STK3: variants seen among roughly 807,000 people sequenced by gnomAD.
The protein encoded by STK3 is serine/threonine kinase 3, also known as serine/threonine-protein kinase 3.
A neutral mutation model predicts 58.0 loss-of-function variants in STK3; 41 were observed. The observed-to-expected ratio is 0.71, with a 90% CI of 0.55 to 0.92. The LOEUF (loss-of-function observed/expected upper bound fraction) is 0.92. Ranked by LOEUF, STK3 falls within the 40% of genes least tolerant of loss-of-function variation. The pLI, the probability that STK3 is intolerant of heterozygous loss-of-function variation, is 0.00. For missense variants in STK3, 479 were observed against 602.7 expected (o/e 0.79, Z 2.15); for synonymous variants, 170 against 191.0 (o/e 0.89, Z 0.91).
At chr8:98,384,949 C>T (rs1817775449) in intron 1 of STK3, among the ~76,000 whole-genome samples, 1 of 152,178 alleles carries the variant, frequency 6.6e-6, no homozygotes, top group Admixed American at 6.5e-5. Flanking sequence ...TGGAAATTAG[C>T]TGAGTCCCTC....
rs757849812 is a variant in STK3, at chr8:98,707,348, C to T, written c.352-37G>A. 2.1e-5 allele frequency: 30 copies of T among 1,409,130 alleles called. No individual in the cohort carries two copies. In the South Asian group the frequency reaches 3.4e-4, roughly 16 times the overall value. The allele number at this position is 1,409,130 out of a possible 1,614,324, so 87.3% of individuals were successfully genotyped here. A position where few individuals can be genotyped will look rare whatever the true frequency, so the allele number is the denominator to read the frequency against. On this transcript the variant is annotated intron_variant, in intron 4 of 10. Transcript: ENST00000419617. ...TATTTTTAAAACCATAATTAAAATG[C>T]CACGTTAGATAAAATCTTACGAAAG...
chr8:98,718,737 AT>A (rs1827200643), intron 4 of STK3, among the ~76,000 whole-genome samples: 4 of 152,118 alleles, frequency 2.6e-5, no homozygotes, highest in Admixed American at 1.3e-4. Flanking sequence ...TAAAATGTTA[AT>A]GTTTAATATA....
rs575295082 is a variant in STK3 at position 98,455,826 on chromosome 8, A to G, written c.*16T>C. Reference sequence around the variant, plus strand: ...CTTGGTCTCCAGAATAGTTAAAAACAGAGAGGAAATTAGACTCAAAAGTTT... The same window carrying G: ...CTTGGTCTCCAGAATAGTTAAAAACGGAGAGGAAATTAGACTCAAAAGTTT... On this transcript the variant is annotated 3_prime_UTR_variant, in exon 11 of 11. Coordinates refer to ENST00000419617, the MANE Select transcript of STK3 (RefSeq NM_006281.4). The G allele has an allele frequency of 5.6e-6, 9 of 1,613,042 alleles. No homozygotes were observed. Among genetic ancestry groups the G allele is most frequent in the Non-Finnish European group, 6.8e-6 (8 of 1,179,510 alleles).
At chr8:98,466,521 T>C (rs73273994) in intron 10 of STK3, among the ~76,000 whole-genome samples, 2,705 of 152,256 alleles carry the variant, frequency 0.018, 82 homozygotes, top group African/African-American at 0.062. Context: ...CTTGCACCAA[T>C]TTACAGTGGG....
At chr8:98,587,586 T>A (rs943694869) in intron 7 of STK3, among the ~76,000 whole-genome samples, 2 of 152,146 alleles carry the variant, frequency 1.3e-5, no homozygotes, top group African/African-American at 4.8e-5. Flanking sequence ...TGATTTGGGA[T>A]GGAGAGTTCT....
chr8:98,669,693 A>G (rs1270841818), intron 6 of STK3, among the ~76,000 whole-genome samples: 3 of 152,222 alleles, frequency 2.0e-5, no homozygotes, highest in East Asian at 3.8e-4. Context: ...AGGGTCTTCA[A>G]CAGAATCAAG....
intron 3 of STK3, among the ~76,000 whole-genome samples, chr8:98,409,935 C>CTCCAG (rs1818036314): frequency 6.6e-6 from 1 of 152,216 alleles, no homozygotes; most frequent in Non-Finnish European, 1.5e-5. Flanking sequence ...AAAAAGTTGA[C>CTCCAG]TCCAGTCCAG....
chr8:98,407,517 T>G (rs150978368), intron 3 of STK3, among the ~76,000 whole-genome samples: 198 of 152,258 alleles, frequency 1.3e-3, no homozygotes, highest in Non-Finnish European at 2.2e-3. Context: ...AGGCAAAGAC[T>G]TAGAGAGCTG....
At chr8:98,597,226 A>G (rs1417269111) in intron 6 of STK3, 5 of 947,084 alleles carry the variant, frequency 5.3e-6, no homozygotes, top group Non-Finnish European at 5.0e-6. Context: ...ATTTAATATA[A>G]TGCATTATCA....
intron 4 of STK3, among the ~76,000 whole-genome samples, chr8:98,744,706 C>G (rs1297780555): frequency 6.6e-6 from 1 of 151,862 alleles, no homozygotes; most frequent in East Asian, 1.9e-4. Flanking sequence ...ACATTGTGCA[C>G]ATGTACCCTA....
chr8:98,548,040 A>C lies in STK3; in HGVS notation c.1070T>G (p.Met357Arg). 1 of 1,610,452 alleles carries C rather than the reference A, an allele frequency of 6.2e-7. No homozygotes were observed. Among genetic ancestry groups the C allele is most frequent in the South Asian group, 1.1e-5 (1 of 90,476 alleles). Reference sequence around the variant, plus strand: ...CATGGTCCCCAAGTCGGATTCCAACATCGTGCTATTATGTTCAATCATGGT... The same window carrying C: ...CATGGTCCCCAAGTCGGATTCCAACCTCGTGCTATTATGTTCAATCATGGT... ...AQTMIEHNSTMLESDLGTMVI... is the reference protein window; with the variant it reads ...AQTMIEHNSTRLESDLGTMVI... The change falls in exon 9 of 11, where the codon ATG becomes AGG. Residue 357 changes from methionine (M) to arginine (R), a missense_variant. Physicochemically the swap from Met to Arg is moderately conservative, Grantham distance 91 (BLOSUM62 -1). Coordinates refer to ENST00000419617, the MANE Select transcript of STK3 (RefSeq NM_006281.4).
At chr8:98,479,922 G>A (rs1299569944) in intron 10 of STK3, among the ~76,000 whole-genome samples, 1 of 152,052 alleles carries the variant, frequency 6.6e-6, no homozygotes, top group Non-Finnish European at 1.5e-5. Flanking sequence ...ACAAATAGGA[G>A]CTTTAAAACT....
chr8:98,713,350 G>A (rs1054658650), intron 4 of STK3, among the ~76,000 whole-genome samples: 1 of 152,042 alleles, frequency 6.6e-6, no homozygotes. Flanking sequence ...CTAGGAACTG[G>A]TTTTTTGAAA....
intron 8 of STK3, among the ~76,000 whole-genome samples, chr8:98,567,902 A>G (rs1391442977): frequency 2.0e-5 from 3 of 152,062 alleles, no homozygotes; most frequent in African/African-American, 7.2e-5. Flanking sequence ...TACTAAGAGT[A>G]CAAAAATTAC....
intron 3 of STK3, chr8:98,432,442 A>G (rs1256464259): frequency 1.8e-5 from 3 of 167,088 alleles, no homozygotes; most frequent in African/African-American, 4.8e-5. Context: ...GCACAAATGC[A>G]TATTGGTTAT....
intron 6 of STK3, among the ~76,000 whole-genome samples, chr8:98,648,373 G>C (rs10104528): frequency 0.093 from 14,116 of 152,090 alleles, 753 homozygotes; most frequent in African/African-American, 0.13. Context: ...CTTGTTTCCA[G>C]TTTTTTACCA....
chr8:98,597,451 A>C (rs1416558106), intron 6 of STK3: 11 of 985,216 alleles, frequency 1.1e-5, no homozygotes, highest in Non-Finnish European at 1.3e-5. Flanking sequence ...TTTCAAAAGC[A>C]GTGTAGCCAG....
chr8:98,349,312 G>A, the STK3 span, among the ~76,000 whole-genome samples: 1 of 152,238 alleles, frequency 6.6e-6, no homozygotes, highest in African/African-American at 2.4e-5. Context: ...TTGACTCCAT[G>A]TCTTATATCC....
chr8:98,410,400 C>T (rs1818041466), intron 3 of STK3, among the ~76,000 whole-genome samples: 1 of 152,096 alleles, frequency 6.6e-6, no homozygotes, highest in African/African-American at 2.4e-5. Context: ...TATCTGTGAC[C>T]CTTTATCTGT....
Sources: gnomAD v4.1 joint callset for allele counts (sites outside exome capture counted in the v4.1 genomes callset) on GRCh38, gnomAD v4.1.1 for gene constraint, MANE v1.5 for transcripts, NCBI Gene and HGNC (gene_info 2026-07-23, HGNC 2026-07-21) for gene names.